The following PIEZO1 variants were observed in gnomAD, a reference collection of about 807,000 sequenced individuals.
PIEZO1 encodes piezo-type mechanosensitive ion channel component 1.
Under a neutral mutation model 297.2 loss-of-function variants are expected in PIEZO1, and 296 were observed. The ratio of observed to expected loss-of-function variants is 1.00; its 90% CI spans 0.91 to 1.10. The LOEUF is 1.10. Ranked by LOEUF, PIEZO1 falls within the 50% of genes least tolerant of loss-of-function variation. The pLI is 0.00. For synonymous variants in PIEZO1, 2,427 were observed against 1,507.5 expected (o/e 1.61, Z -14.13); for missense variants, 5,018 against 3,455.5 (o/e 1.45, Z -11.34).
chr16:88,741,480 G>T lies in PIEZO1; in HGVS notation c.463C>A (p.Leu155Met), dbSNP rs192176652. The change falls in exon 5 of 51, where the codon CTG (leucine) becomes ATG (methionine). Residue 155 changes from leucine (L) to methionine (M), a missense_variant and splice_region_variant. By Grantham distance (15) the Leu-to-Met change is conservative (BLOSUM62 2). Coordinates refer to ENST00000301015, the MANE Select transcript of PIEZO1 (RefSeq NM_001142864.4). ...NTRQSPHPRE[L>M]DDDERDVDAS... ...ACGGGTGACGCAGCTGCCCTCACCA[G>T]CTCCCGTGGATGTGGGCTCTGCCGG... The T allele has an allele frequency of 3.3e-6, 5 of 1,534,516 alleles. No individual in the cohort carries two copies. The African/African-American group carries it at 6.8e-5, about 21-fold the overall frequency.
intron 42 of PIEZO1, 42 bp downstream of exon 42, chr16:88,720,027 G>C (rs1358740382): frequency 6.5e-7 from 1 of 1,549,108 alleles, no homozygotes; most frequent in South Asian, 1.2e-5. Flanking sequence ...AGCCTGCACT[G>C]CCCCGCCCCT....
In PIEZO1 at chr16:88,734,724, G is replaced by A. The variant is rs1905089461; in HGVS notation, c.1923C>T (p.Leu641=). 2.6e-6 allele frequency: 4 copies of A among 1,550,240 alleles called. No individual in the cohort carries two copies. The highest frequency in any genetic ancestry group is 2.4e-5 in the East Asian group (1 of 40,934). ...GGAACTGGAAGGTGTAGACGGCGAT[G>A]AGGACCAGCATGGTGTAGGCCACCA... is the stretch of plus-strand genomic sequence containing the variant. ...WLVVAYTMLV[L]IAVYTFQFQD... The change falls in exon 15 of 51, where the codon CTC becomes CTT. Residue 641 remains leucine, a synonymous_variant. Coordinates refer to ENST00000301015, the MANE Select transcript of PIEZO1 (RefSeq NM_001142864.4).
intron 2 of PIEZO1, among the ~76,000 whole-genome samples, chr16:88,746,022 GTTGCC>G (rs1597468866): frequency 6.6e-6 from 1 of 152,304 alleles, no homozygotes; most frequent in East Asian, 1.9e-4. Context: ...GGAGTGTGGA[GTTGCC>G]CTGAGTCTGA....
Position 88,716,007 on chromosome 16 carries a change from G to A in PIEZO1, c.7242C>T (p.Asp2414=). 6 of 1,550,240 alleles carry A rather than the reference G, an allele frequency of 3.9e-6. No individual in the cohort carries two copies. Among genetic ancestry groups the A allele is most frequent in the Non-Finnish European group, 5.2e-6 (6 of 1,146,922 alleles). The stretch of plus-strand genomic sequence containing the variant: ...AAATGACCATGGGCAGCAGGTTGCA[G>A]TCGGTCCGGCACTCCTGCAGCTCGA... The part of the protein sequence containing the change: ...WVIELQECRT[D]CNLLPMVIFS... The change falls in exon 50 of 51, where the codon GAC becomes GAT. Residue 2414 remains aspartate (D), a synonymous_variant. Transcript: ENST00000301015.
At chr16:88,767,551 C>A (rs1048791771) in intron 1 of PIEZO1, among the ~76,000 whole-genome samples, 21 of 152,206 alleles carry the variant, frequency 1.4e-4, no homozygotes, top group African/African-American at 4.8e-4. Context: ...CCTCTCCCAT[C>A]TCTCTCAGGA....
intron 1 of PIEZO1, among the ~76,000 whole-genome samples, chr16:88,750,626 A>C (rs893460791): frequency 2.0e-5 from 3 of 152,190 alleles, no homozygotes; most frequent in Non-Finnish European, 4.4e-5. Context: ...TGATCTGATA[A>C]GGTCTGGAGT....
intron 16 of PIEZO1, 114 bp from the exon 17 acceptor site, chr16:88,734,168 C>G: frequency 7.4e-7 from 1 of 1,354,186 alleles, no homozygotes; most frequent in Non-Finnish European, 9.9e-7. Flanking sequence ...TTCAGGTGCA[C>G]AGCTGTGTCG....
In PIEZO1 at chr16:88,715,385, A is replaced by AAC; in HGVS notation, c.*218_*219dup. On this transcript the variant is annotated 3_prime_UTR_variant, in exon 51 of 51. Coordinates refer to ENST00000301015, the MANE Select transcript of PIEZO1 (RefSeq NM_001142864.4). ...TAAAACATTTTTTAATTAAAAAAAA[A>AAC]ACTCTACAGTACACGTGGGGGACGG... The AAC allele has an allele frequency of 9.1e-7, 1 of 1,093,564 alleles. No homozygotes were observed. Among genetic ancestry groups the AAC allele is most frequent in the Non-Finnish European group, 1.3e-6 (1 of 778,702 alleles). 67.7% of individuals were successfully genotyped at this position (1,093,564 alleles called of 1,614,324 possible).
At chr16:88,724,181 A>G (rs1272662842) in intron 30 of PIEZO1, among the ~76,000 whole-genome samples, 1 of 152,222 alleles carries the variant, frequency 6.6e-6, no homozygotes, top group African/African-American at 2.4e-5. Flanking sequence ...GCTGGGGTGC[A>G]GAGTGGGCCG....
At chr16:88,764,428 C>T (rs17176204) in intron 1 of PIEZO1, among the ~76,000 whole-genome samples, 22,712 of 152,088 alleles carry the variant, frequency 0.15, 1,822 homozygotes, top group Middle Eastern at 0.19. Flanking sequence ...GAAACATGAA[C>T]GTGCTCTCCA....
At chr16:88,750,114 C>A (rs1412396219) in intron 1 of PIEZO1, among the ~76,000 whole-genome samples, 1 of 151,960 alleles carries the variant, frequency 6.6e-6, no homozygotes. Flanking sequence ...GCAGGAGGAT[C>A]ACCTGAGGTC....
At position 88,727,617 on chromosome 16, in the gene PIEZO1, G is replaced by T; in HGVS notation, c.3241C>A (p.Leu1081Ile). The T allele has an allele frequency of 6.5e-7, 1 of 1,528,118 alleles. No homozygotes were observed. The highest frequency in any genetic ancestry group is 2.5e-5 in the East Asian group (1 of 40,214). 94.7% of individuals were successfully genotyped at this position (1,528,118 alleles called of 1,614,324 possible). The part of the protein sequence containing the change: ...WSRAVPMNSA[L>I]IKWLYLPDFF... ...TCAGGCAGGTACAGCCACTTGATGA[G>T]TGCGGAGTTCATGGGGACGGCCCGG... is the stretch of plus-strand genomic sequence containing the variant. Residue 1081 changes from leucine (L) to isoleucine (I), a missense_variant, in exon 23 of 51, where the codon CTC becomes ATC. Coordinates refer to ENST00000301015, the MANE Select transcript of PIEZO1 (RefSeq NM_001142864.4).
intron 44 of PIEZO1, 47 bp from the exon 45 acceptor site, chr16:88,717,258 CG>C: frequency 6.6e-7 from 1 of 1,505,692 alleles, no homozygotes; most frequent in African/African-American, 1.4e-5. Context: ...GCCCTTCCTG[CG>C]GGTCACACAA....
chr16:88,734,426 G>A lies in PIEZO1; in HGVS notation c.2110C>T (p.Pro704Ser), dbSNP rs777039661. The A allele has an allele frequency of 3.1e-5, 48 of 1,549,988 alleles. No individual in the cohort carries two copies. The highest frequency in any genetic ancestry group is 3.4e-4 in the Middle Eastern group (2 of 5,954). Residue 704 changes from proline to serine, a missense_variant, in exon 16 of 51, where the codon CCC (proline) becomes TCC (serine). Coordinates refer to ENST00000301015, the MANE Select transcript of PIEZO1 (RefSeq NM_001142864.4). ...TCCATGTCGGTGAGCTGCATGAAGGGCCTGTGGAAGTAGTGCAGCTGCAGG... is the reference window on the plus strand; with the variant it reads ...TCCATGTCGGTGAGCTGCATGAAGGACCTGTGGAAGTAGTGCAGCTGCAGG... ...CILQLHYFHR[P>S]FMQLTDMEHV...
rs1309668745 is a variant in PIEZO1, at chr16:88,716,732, C to G, written c.6754-1G>C. The G allele has an allele frequency of 1.9e-6, 3 of 1,547,912 alleles. No individual in the cohort carries two copies. The highest frequency in any genetic ancestry group is 2.4e-5 in the South Asian group (2 of 84,042). On this transcript the variant is annotated splice_acceptor_variant, in intron 46 of 50. Coordinates refer to ENST00000301015, the MANE Select transcript of PIEZO1 (RefSeq NM_001142864.4). LOFTEE classifies it high-confidence loss of function. ...ACTGGCTGATGAACTGCATGGCCAG[C>G]TGGGTACAAGTGACACCCTCAGTGA...
intron 1 of PIEZO1, among the ~76,000 whole-genome samples, chr16:88,782,363 T>C (rs1480864074): frequency 6.6e-6 from 1 of 152,132 alleles, no homozygotes; most frequent in Non-Finnish European, 1.5e-5. Context: ...CCTCCCACCT[T>C]GGCCTCCCGA....
intron 1 of PIEZO1, among the ~76,000 whole-genome samples, chr16:88,763,347 C>T (rs1385114343): frequency 6.6e-6 from 1 of 152,228 alleles, no homozygotes; most frequent in African/African-American, 2.4e-5. Context: ...AGCAGCCAAA[C>T]CCCTGCTTCT....
At chr16:88,761,488 G>A (rs992630483) in intron 1 of PIEZO1, among the ~76,000 whole-genome samples, 2 of 152,198 alleles carry the variant, frequency 1.3e-5, no homozygotes, top group African/African-American at 2.4e-5. Flanking sequence ...TCCCAAAGCC[G>A]CCGCCTTCCG....
chr16:88,723,089 A>ACGTACCTGCCGCTGCCTC lies in PIEZO1; in HGVS notation c.4483_4495+5dup. 1 of 1,547,232 alleles carries ACGTACCTGCCGCTGCCTC rather than the reference A, an allele frequency of 6.5e-7. No homozygotes were observed. Among genetic ancestry groups the ACGTACCTGCCGCTGCCTC allele is most frequent in the Non-Finnish European group, 8.7e-7 (1 of 1,146,550 alleles). ...CCTCCCACTCCCCAGCCCCGGGCCC[A>ACGTACCTGCCGCTGCCTC]CGTACCTGCCGCTGCCTCCTCGGGG... On this transcript the variant is annotated splice_donor_region_variant and intron_variant, in intron 33 of 50. Transcript: ENST00000301015.
Sources: allele counts gnomAD v4.1 joint callset (sites outside exome capture counted in the v4.1 genomes callset), GRCh38; gene constraint gnomAD v4.1.1; transcripts MANE v1.5; gene names NCBI Gene and HGNC (gene_info 2026-07-23, HGNC 2026-07-21).